Variants in ARHGEF28 observed in about 807,000 individuals in gnomAD.
ARHGEF28 encodes 190 kDa guanine nucleotide exchange factor.
In ARHGEF28, 152 loss-of-function variants were observed where a neutral mutation model predicts 206.6. The observed-to-expected ratio is 0.74, with a 90% CI of 0.64 to 0.84. The LOEUF (loss-of-function observed/expected upper bound fraction) is 0.84. Ranked by LOEUF, ARHGEF28 falls within the 40% of genes least tolerant of loss-of-function variation. The pLI is 0.00. For missense variants in ARHGEF28, 2,028 were observed against 2,073.2 expected, an observed-to-expected ratio of 0.98 and a Z score of 0.42; for synonymous variants, 763 against 776.4, an observed-to-expected ratio of 0.98 and a Z score of 0.29.
intron 14 of ARHGEF28, among the ~76,000 whole-genome samples, chr5:73,856,506 G>A (rs948283508): frequency 6.6e-6 from 1 of 151,778 alleles, no homozygotes; most frequent in African/African-American, 2.4e-5. Context: ...ATAGGTTTGA[G>A]CTCTAAAACC....
chr5:73,909,593 A>C lies in ARHGEF28; in HGVS notation c.4343A>C (p.Gln1448Pro). The change falls in exon 34 of 36, where the codon CAG becomes CCG. Residue 1448 changes from glutamine (Q) to proline (P), a missense_variant. By Grantham distance (76) the Gln-to-Pro change is moderately conservative (BLOSUM62 -1). Transcript: ENST00000513042. The stretch of plus-strand genomic sequence containing the variant: ...GTGCACCAGCTTCAGCACCAGCTCC[A>C]GCAGGAGCAGCGGCGCTGGCTGCGC... Reference protein sequence around the residue: ...ANVHQLQHQLQQEQRRWLRRC... With the variant: ...ANVHQLQHQLPQEQRRWLRRC... 1 of 1,557,398 alleles carries C rather than the reference A, an allele frequency of 6.4e-7. No individual in the cohort carries two copies. Among genetic ancestry groups the C allele is most frequent in the Non-Finnish European group, 8.7e-7 (1 of 1,150,940 alleles).
At chr5:73,682,443 G>A (rs1248624192) in intron 1 of ARHGEF28, among the ~76,000 whole-genome samples, 1 of 144,074 alleles carries the variant, frequency 6.9e-6, no homozygotes, top group Non-Finnish European at 1.5e-5. Flanking sequence ...TTGAGATTGA[G>A]TTTCACTCTT....
At chr5:73,702,433 C>G (rs948473833) in intron 2 of ARHGEF28, among the ~76,000 whole-genome samples, 3 of 152,208 alleles carry the variant, frequency 2.0e-5, no homozygotes, top group Non-Finnish European at 4.4e-5. Flanking sequence ...CCTCATCCTT[C>G]CTTTTACCAA....
chr5:73,848,308 G>A (rs1758489677), intron 12 of ARHGEF28, among the ~76,000 whole-genome samples: 1 of 151,924 alleles, frequency 6.6e-6, no homozygotes, highest in Non-Finnish European at 1.5e-5. Context: ...TAAGTAATTG[G>A]GACAACAGGA....
At chr5:73,714,946 C>T (rs1207767126) in intron 2 of ARHGEF28, among the ~76,000 whole-genome samples, 1 of 151,874 alleles carries the variant, frequency 6.6e-6, no homozygotes, top group Non-Finnish European at 1.5e-5. Context: ...CAGCAAGACA[C>T]GAAAATGTTT....
intron 2 of ARHGEF28, among the ~76,000 whole-genome samples, chr5:73,719,721 A>G (rs549048876): frequency 1.3e-5 from 2 of 152,366 alleles, no homozygotes; most frequent in African/African-American, 4.8e-5. Context: ...TGATTCATAA[A>G]TAATCACTTC....
chr5:73,678,343 G>C (rs1048415895), intron 1 of ARHGEF28, among the ~76,000 whole-genome samples: 10 of 152,128 alleles, frequency 6.6e-5, no homozygotes, highest in Middle Eastern at 3.4e-3. Context: ...ATTAATTGCT[G>C]TTCAAATGGT....
At chr5:73,841,800 A>G (rs1231053744) in intron 11 of ARHGEF28, among the ~76,000 whole-genome samples, 1 of 152,074 alleles carries the variant, frequency 6.6e-6, no homozygotes, top group Non-Finnish European at 1.5e-5. Context: ...ACATCTAGGG[A>G]AGGAAATAGG....
At chr5:73,728,198 A>G (rs1477380338) in intron 2 of ARHGEF28, among the ~76,000 whole-genome samples, 1 of 152,258 alleles carries the variant, frequency 6.6e-6, no homozygotes, top group African/African-American at 2.4e-5. Context: ...CATTGAAGCC[A>G]TAAGTAAACA....
Position 73,774,207 on chromosome 5 carries a change from A to G in ARHGEF28, c.659+169A>G, listed in dbSNP as rs10065074. ...CAGATATACTGGGATAATTGGTATTAATGTTTCATGAGGGTGAGATAGGAA... is the reference window on the plus strand; with the variant it reads ...CAGATATACTGGGATAATTGGTATTGATGTTTCATGAGGGTGAGATAGGAA... On this transcript the variant is annotated intron_variant, in intron 5 of 35. Coordinates refer to ENST00000513042, the MANE Select transcript of ARHGEF28 (RefSeq NM_001177693.2). Among the ~76,000 whole-genome samples the G allele has an allele frequency of 0.079, 12,040 of 152,248 alleles. 502 individuals are homozygous for G. The highest frequency in any genetic ancestry group is 0.087 in the Non-Finnish European group (5,932 of 68,008).
chr5:73,783,799 AG>A (rs1753990642), intron 7 of ARHGEF28, among the ~76,000 whole-genome samples: 1 of 152,140 alleles, frequency 6.6e-6, no homozygotes, highest in South Asian at 2.1e-4. Context: ...GTTTTAGACA[AG>A]TTGAATTTGA....
At chr5:73,854,162 A>G (rs531424531) in intron 14 of ARHGEF28, among the ~76,000 whole-genome samples, 92 of 152,102 alleles carry the variant, frequency 6.0e-4, no homozygotes, top group African/African-American at 2.1e-3. Context: ...TATTCCTGCT[A>G]TCTTATCTTG....
chr5:73,686,275 T>C (rs1747462574), intron 2 of ARHGEF28, among the ~76,000 whole-genome samples: 1 of 152,088 alleles, frequency 6.6e-6, no homozygotes, highest in South Asian at 2.1e-4. Context: ...GTTTTTTCTG[T>C]GTGTGCCTTC....
intron 29 of ARHGEF28, among the ~76,000 whole-genome samples, chr5:73,895,177 C>T (rs956503157): frequency 6.6e-6 from 1 of 152,120 alleles, no homozygotes; most frequent in Non-Finnish European, 1.5e-5. Context: ...TGAAAGGTAC[C>T]TCCTGACTGC....
chr5:73,641,420 T>G (rs1744090320), intron 1 of ARHGEF28, among the ~76,000 whole-genome samples: 4 of 143,028 alleles, frequency 2.8e-5, no homozygotes, highest in African/African-American at 5.3e-5. Flanking sequence ...TTTTTTTTTT[T>G]GGCTCATTTC....
chr5:73,835,018 G>A (rs567185169), intron 10 of ARHGEF28: 1 of 152,322 alleles, frequency 6.6e-6, no homozygotes, highest in African/African-American at 2.4e-5. Flanking sequence ...GTTTCAGGAT[G>A]TGGGCTGGTC....
chr5:73,885,844 A>T lies in ARHGEF28; in HGVS notation c.3056-6A>T. 1 of 1,595,586 alleles carries T rather than the reference A, an allele frequency of 6.3e-7. No homozygotes were observed. The highest frequency in any genetic ancestry group is 8.5e-7 in the Non-Finnish European group (1 of 1,173,158). On this transcript the variant is annotated splice_region_variant and splice_polypyrimidine_tract_variant and intron_variant, in intron 24 of 35. Coordinates refer to ENST00000513042, the MANE Select transcript of ARHGEF28 (RefSeq NM_001177693.2). ...TTTTGTTTGTTTGTTTCTTTTTCCC[A>T]CGCAGAAAGAACTGAGGAACATAAA...
At chr5:73,895,645 A>C (rs1472233991) in intron 29 of ARHGEF28, among the ~76,000 whole-genome samples, 1 of 152,158 alleles carries the variant, frequency 6.6e-6, no homozygotes, top group Non-Finnish European at 1.5e-5. Flanking sequence ...TAAATTACAG[A>C]CCACGGACTA....
At chr5:73,790,102 C>T (rs935325335) in intron 7 of ARHGEF28, among the ~76,000 whole-genome samples, 2 of 152,072 alleles carry the variant, frequency 1.3e-5, no homozygotes, top group African/African-American at 2.4e-5. Context: ...ACTGTGGCTC[C>T]AAAATCATTT....
Sources: gnomAD v4.1 joint callset for allele counts (sites outside exome capture counted in the v4.1 genomes callset) on GRCh38, gnomAD v4.1.1 for gene constraint, MANE v1.5 for transcripts, NCBI Gene and HGNC (gene_info 2026-07-23, HGNC 2026-07-21) for gene names.